The following LARP1 variants were observed in gnomAD, a reference collection of about 807,000 sequenced individuals.
The protein encoded by LARP1 is la-related protein 1.
Under a neutral mutation model 122.7 loss-of-function variants are expected in LARP1, and 36 were observed. The ratio of observed to expected loss-of-function variants is 0.29; its 90% CI spans 0.22 to 0.39. LARP1 has a LOEUF of 0.39. Ranked by LOEUF, LARP1 falls within the 10% of genes least tolerant of loss-of-function variation. The pLI is 1.00. For missense variants in LARP1, 1,040 were observed against 1,403.6 expected, an observed-to-expected ratio of 0.74 and a Z score of 4.14; for synonymous variants, 539 against 528.7, an observed-to-expected ratio of 1.02 and a Z score of -0.27.
chr5:154,777,831 A>G (rs1203879553), intron 1 of LARP1, among the ~76,000 whole-genome samples: 1 of 152,264 alleles, frequency 6.6e-6, no homozygotes, highest in East Asian at 1.9e-4. Context: ...TACCTACACA[A>G]ATTAAAAATT....
chr5:154,801,864 G>A, intron 10 of LARP1, 143 bp from the exon 11 acceptor site: 1 of 708,146 alleles, frequency 1.4e-6, no homozygotes, highest in Non-Finnish European at 2.3e-6. Context: ...CCAGGATGAC[G>A]CTTGTGACCT....
chr5:154,789,179 C>G (rs910453252), intron 1 of LARP1, among the ~76,000 whole-genome samples: 1 of 149,092 alleles, frequency 6.7e-6, no homozygotes. Flanking sequence ...CCACTGCACT[C>G]CAGCCTGGGT....
In LARP1 at chr5:154,803,203, C is replaced by T. The variant is rs187967237; in HGVS notation, c.2110-87C>T. 3 of 1,572,750 alleles carry T rather than the reference C, an allele frequency of 1.9e-6. No individual in the cohort carries two copies. The East Asian group carries it at 6.8e-5, about 35-fold the overall frequency. On this transcript the variant is annotated intron_variant, in intron 11 of 18. Coordinates refer to ENST00000518297, the MANE Select transcript of LARP1 (RefSeq NM_033551.3). This position sits in a 1 kb window ranked among gnomAD's most constrained non-coding sequence, Gnocchi z 4.4. ...ATGTCGACGTGGGAGCTGCCCTCTC[C>T]AACTTCCTGCCAGTCTTGATTCCTT...
chr5:154,813,796 G>A, intron 18 of LARP1, 91 bp from the exon 19 acceptor site: 1 of 989,878 alleles, frequency 1.0e-6, no homozygotes, highest in Non-Finnish European at 1.6e-6. Context: ...TATATTTGGA[G>A]GTAGAAAGTA....
At chr5:154,787,943 G>A (rs567817008) in intron 1 of LARP1, among the ~76,000 whole-genome samples, 130 of 152,302 alleles carry the variant, frequency 8.5e-4, no homozygotes, top group Non-Finnish European at 4.4e-4. Context: ...ACAATGATCT[G>A]ACTTTGCCTC....
chr5:154,686,645 A>G (rs4958762), intron 1 of LARP1, among the ~76,000 whole-genome samples: 101,625 of 152,032 alleles, frequency 0.67, 34,176 homozygotes, highest in Non-Finnish European at 0.7. Flanking sequence ...CCAGTTTGCC[A>G]CAGTCCTTAC....
chr5:154,790,543 C>A, intron 2 of LARP1, 102 bp from the exon 3 acceptor site: 2 of 1,370,836 alleles, frequency 1.5e-6, no homozygotes, highest in South Asian at 1.2e-5. Context: ...TCCTGGTGAA[C>A]AGACTGATTT....
intron 8 of LARP1, among the ~76,000 whole-genome samples, chr5:154,796,784 C>G (rs769697479): frequency 6.6e-6 from 1 of 152,102 alleles, no homozygotes; most frequent in Non-Finnish European, 1.5e-5. Context: ...GTTCAGTTAC[C>G]AAGAGGTATA....
At chr5:154,690,160 C>T (rs964302741) in intron 1 of LARP1, among the ~76,000 whole-genome samples, 3 of 99,062 alleles carry the variant, frequency 3.0e-5, no homozygotes, top group African/African-American at 5.9e-5. Context: ...GTTAGTGGTG[C>T]GGGGGAGGGC....
intron 18 of LARP1, among the ~76,000 whole-genome samples, chr5:154,813,444 C>T (rs1759447981): frequency 6.6e-6 from 1 of 152,198 alleles, no homozygotes; most frequent in Admixed American, 6.5e-5. Context: ...GGATCTGGGC[C>T]TTCTGAGCTG....
At chr5:154,695,159 C>A (rs972981597) in intron 1 of LARP1, among the ~76,000 whole-genome samples, 13 of 151,676 alleles carry the variant, frequency 8.6e-5, no homozygotes, top group Non-Finnish European at 1.8e-4. Context: ...ACTAAAAATA[C>A]AAAAAATTAG....
chr5:154,795,966 A>G (rs1300446801), intron 8 of LARP1, among the ~76,000 whole-genome samples: 2 of 115,974 alleles, frequency 1.7e-5, no homozygotes, highest in Non-Finnish European at 1.7e-5. Context: ...ATATTTTTAT[A>G]CATATTATAT....
chr5:154,724,263 T>C (rs961455391), intron 1 of LARP1, among the ~76,000 whole-genome samples: 2 of 152,230 alleles, frequency 1.3e-5, no homozygotes, highest in African/African-American at 4.8e-5. Flanking sequence ...CTCATTGAAT[T>C]TTTACAGCAG....
rs1484045971 is a variant in LARP1 at position 154,716,711 on chromosome 5, A to G, written c.205+3581A>G. 2.6e-5 allele frequency among the ~76,000 whole-genome samples: 4 copies of G among 152,248 alleles called. No homozygotes were observed. In the South Asian group the frequency reaches 8.3e-4, roughly 32 times the overall value. The stretch of plus-strand genomic sequence containing the variant: ...TGATCCACCTGCCTTGGCCTCCCAA[A>G]GTGTTGGGATTACAGGTGTGAGCCA... On this transcript the variant is annotated intron_variant, in intron 1 of 18. Transcript: ENST00000336314.
chr5:154,725,115 G>T (rs1482748804), intron 1 of LARP1, among the ~76,000 whole-genome samples: 1 of 152,088 alleles, frequency 6.6e-6, no homozygotes, highest in Admixed American at 6.6e-5. Flanking sequence ...GTGTGGGCTG[G>T]ATGCGGTGGC....
intron 1 of LARP1, among the ~76,000 whole-genome samples, chr5:154,758,265 G>A (rs1196038142): frequency 1.3e-5 from 2 of 152,068 alleles, no homozygotes; most frequent in African/African-American, 4.8e-5. Context: ...CAGCTTGGCT[G>A]GCATCTCACC....
At chr5:154,795,667 A>G (rs918363638) in intron 8 of LARP1, among the ~76,000 whole-genome samples, 1 of 151,434 alleles carries the variant, frequency 6.6e-6, no homozygotes, top group African/African-American at 2.4e-5. Flanking sequence ...TTTGTTCACA[A>G]ATATTTCAGT....
rs879502987 is a variant in LARP1 at position 154,800,585 on chromosome 5, G to GTATTCT, written c.1716+543_1716+544insTATTCT. 6.8e-3 allele frequency among the ~76,000 whole-genome samples: 1,040 copies of GTATTCT among 152,310 alleles called. 2 individuals carry two copies. Among genetic ancestry groups the GTATTCT allele is most frequent in the Middle Eastern group, 0.024 (7 of 292 alleles). The stretch of plus-strand genomic sequence containing the variant: ...TTCTCCATCTGCAGATGAAAGGAAG[G>GTATTCT]AGACATTAGAATATTCTAGAAATAG... On this transcript the variant is annotated intron_variant, in intron 10 of 18. Coordinates refer to ENST00000518297, the MANE Select transcript of LARP1 (RefSeq NM_033551.3).
rs753320095 is a variant in LARP1 at position 154,802,306 on chromosome 5, C to T, written c.2016C>T (p.Ser672=). 1.2e-6 allele frequency: 2 copies of T among 1,614,162 alleles called. No homozygotes were observed. The highest frequency in any genetic ancestry group is 1.3e-5 in the African/African-American group (1 of 75,028). The change falls in exon 11 of 19, where the codon AGC becomes AGT. Residue 672 remains serine, a synonymous_variant. Transcript: ENST00000518297. This position sits in a 1 kb window ranked among gnomAD's most constrained non-coding sequence, Gnocchi z 5.1. ...ACCACACCTCGCGTGCCAAGATGAG[C>T]GCCGAACTGGCCAAGGTCATTAATG... ...TGNHTSRAKM[S]AELAKVINDG...
Sources: allele counts gnomAD v4.1 joint callset (sites outside exome capture counted in the v4.1 genomes callset), GRCh38; gene constraint gnomAD v4.1.1; non-coding constraint Gnocchi (gnomAD v3.1); transcripts MANE v1.5; gene names NCBI Gene and HGNC (gene_info 2026-07-23, HGNC 2026-07-21).